Variants in FRMPD2 observed in about 807,000 individuals in gnomAD.
The protein encoded by FRMPD2 is FERM and PDZ domain-containing protein 2.
Under a neutral mutation model 140.1 loss-of-function variants are expected in FRMPD2, and 96 were observed. That is an observed-to-expected ratio of 0.69 (90% confidence interval 0.58 to 0.81). The LOEUF (loss-of-function observed/expected upper bound fraction) is 0.81, where lower values mean the gene tolerates loss of function less well. FRMPD2 is among the 40% of genes least tolerant of loss of function. The pLI is 0.00. For synonymous variants in FRMPD2, 449 were observed against 547.6 expected, an observed-to-expected ratio of 0.82 and a Z score of 2.52; for missense variants, 1,240 against 1,447.4, an observed-to-expected ratio of 0.86 and a Z score of 2.32.
chr10:48,252,120 C>T (rs796932581), intron 1 of FRMPD2, among the ~76,000 whole-genome samples: 2 of 152,140 alleles, frequency 1.3e-5, no homozygotes, highest in South Asian at 4.1e-4. Context: ...ACGTGATTCA[C>T]ATCTTTCATC....
At chr10:48,219,609 A>T (rs956817622) in intron 12 of FRMPD2, among the ~76,000 whole-genome samples, 1 of 152,162 alleles carries the variant, frequency 6.6e-6, no homozygotes, top group Admixed American at 6.5e-5. Context: ...CAGCAAAATT[A>T]CACTGCTGTC....
At chr10:48,259,015 T>C (rs1045128623) in intron 1 of FRMPD2, among the ~76,000 whole-genome samples, 1 of 152,252 alleles carries the variant, frequency 6.6e-6, no homozygotes, top group Non-Finnish European at 1.5e-5. Context: ...CTTCTTGACA[T>C]AATCTGAAAA....
rs181776950 is a variant in FRMPD2 at position 48,216,321 on chromosome 10, T to C, written c.1456-4212A>G. On this transcript the variant is annotated intron_variant, in intron 12 of 28. Transcript: ENST00000374201. Reference sequence around the variant, plus strand: ...ATAGATAGATAGATAGATAGATAGATAGATAGATGATAAATAGATGGATAT... The same window carrying C: ...ATAGATAGATAGATAGATAGATAGACAGATAGATGATAAATAGATGGATAT... Among the ~76,000 whole-genome samples, 401 of 152,210 alleles carry C rather than the reference T, an allele frequency of 2.6e-3. 5 individuals carry two copies. Among genetic ancestry groups the C allele is most frequent in the African/African-American group, 9.0e-3 (372 of 41,506 alleles).
At chr10:48,224,202 C>A (rs376054172) in intron 10 of FRMPD2, among the ~76,000 whole-genome samples, 5 of 152,234 alleles carry the variant, frequency 3.3e-5, no homozygotes, top group South Asian at 4.2e-4. Flanking sequence ...GCCCCTCCCC[C>A]ACCCCTCTGC....
Position 48,242,182 on chromosome 10 carries a change from C to A in FRMPD2, c.546G>T (p.Leu182Phe), listed in dbSNP as rs763060954. 6.2e-7 allele frequency: 1 copy of A among 1,613,260 alleles called. No homozygotes were observed. Among genetic ancestry groups the A allele is most frequent in the African/African-American group, 1.3e-5 (1 of 74,920 alleles). The part of the protein sequence containing the change: ...AGLHIRRLVG[L>F]VLGTISEVEK... ...TGACCTCAGAAATGGTACCCAGAAC[C>A]AAGCCAACCAGCCTTCTGATGTGGA... is the stretch of plus-strand genomic sequence containing the variant. Residue 182 changes from leucine (L) to phenylalanine (F), a missense_variant, in exon 5 of 29, where the codon TTG (leucine) becomes TTT (phenylalanine). Coordinates refer to ENST00000374201, the MANE Select transcript of FRMPD2 (RefSeq NM_001018071.4).
intron 1 of FRMPD2, among the ~76,000 whole-genome samples, chr10:48,263,074 A>T (rs771434050): frequency 1.3e-5 from 2 of 152,218 alleles, no homozygotes; most frequent in Non-Finnish European, 2.9e-5. Flanking sequence ...CAAATGGGTC[A>T]AAAAGGAAAT....
Position 48,192,692 on chromosome 10 carries a change from G to T in FRMPD2, c.2157C>A (p.Ile719=), listed in dbSNP as rs778648914. Residue 719 remains isoleucine, a synonymous_variant, in exon 16 of 29, where the codon ATC becomes ATA. Coordinates refer to ENST00000374201, the MANE Select transcript of FRMPD2 (RefSeq NM_001018071.4). The part of the protein sequence containing the change: ...DGSKEAGAEG[I]GRSPCTGREQ... ...AAATGTGTCACACCCACCTGCGCCC[G>T]ATGCCTTCTGCTCCAGCCTCCTTGC... is the stretch of plus-strand genomic sequence containing the variant. 9.3e-6 allele frequency: 15 copies of T among 1,613,810 alleles called. No individual in the cohort carries two copies. Among genetic ancestry groups the T allele is most frequent in the Non-Finnish European group, 1.3e-5 (15 of 1,179,942 alleles).
chr10:48,252,473 A>G (rs1254500451), intron 1 of FRMPD2, among the ~76,000 whole-genome samples: 1 of 152,176 alleles, frequency 6.6e-6, no homozygotes, highest in Non-Finnish European at 1.5e-5. Flanking sequence ...CTCTACAGCC[A>G]GAGCTCAAGC....
chr10:48,209,276 C>A (rs1011930884), intron 13 of FRMPD2, among the ~76,000 whole-genome samples: 2 of 152,110 alleles, frequency 1.3e-5, no homozygotes, highest in African/African-American at 4.8e-5. Context: ...TATTAACAAC[C>A]CACAGCTATG....
intron 1 of FRMPD2, among the ~76,000 whole-genome samples, chr10:48,259,240 C>T (rs78190556): frequency 0.014 from 2,104 of 152,274 alleles, 51 homozygotes; most frequent in African/African-American, 0.047. Flanking sequence ...TTTTCATAAA[C>T]TTCTGTGATT....
rs757541088 is a variant in FRMPD2 at position 48,232,110 on chromosome 10, C to T, written c.1168+5G>A. The T allele has an allele frequency of 5.5e-5, 88 of 1,614,002 alleles. No homozygotes were observed. Among genetic ancestry groups the T allele is most frequent in the Non-Finnish European group, 7.5e-5 (88 of 1,180,008 alleles). On this transcript the variant is annotated splice_donor_5th_base_variant and intron_variant, in intron 10 of 28. Coordinates refer to ENST00000374201, the MANE Select transcript of FRMPD2 (RefSeq NM_001018071.4). ...CCAGCTGTGAGCTGCCCAAGAGATG[C>T]TTACTTTTCATATACGCCAAGCCAA... is the stretch of plus-strand genomic sequence containing the variant.
chr10:48,263,189 C>A (rs1405789647), intron 1 of FRMPD2, among the ~76,000 whole-genome samples: 1 of 152,050 alleles, frequency 6.6e-6, no homozygotes, highest in East Asian at 1.9e-4. Flanking sequence ...AGACTTCTAA[C>A]ATTAAATGCA....
chr10:48,230,679 C>T (rs1839829671), intron 10 of FRMPD2, among the ~76,000 whole-genome samples: 1 of 152,230 alleles, frequency 6.6e-6, no homozygotes, highest in Non-Finnish European at 1.5e-5. Context: ...TTGTATTACA[C>T]CTGTTATCTG....
chr10:48,186,812 C>A (rs980570535), intron 17 of FRMPD2, among the ~76,000 whole-genome samples: 10 of 152,228 alleles, frequency 6.6e-5, no homozygotes, highest in Non-Finnish European at 8.8e-5. Context: ...CAGGAGGATG[C>A]ATGGCTGAAG....
Position 48,222,293 on chromosome 10 carries a change from C to A in FRMPD2, c.1455+20G>T, listed in dbSNP as rs371766989. 3 of 1,610,076 alleles carry A rather than the reference C, an allele frequency of 1.9e-6. No individual in the cohort carries two copies. The highest frequency in any genetic ancestry group is 2.7e-5 in the African/African-American group (2 of 74,796). Reference sequence around the variant, plus strand: ...TTTTTCCAGTGACCCCACACAAAGGCCCCTGGTGTTCACCCCTACCTCCTT... The same window carrying A: ...TTTTTCCAGTGACCCCACACAAAGGACCCTGGTGTTCACCCCTACCTCCTT... On this transcript the variant is annotated intron_variant, in intron 12 of 28. Transcript: ENST00000374201.
chr10:48,182,663 A>C (rs116811298), intron 20 of FRMPD2, among the ~76,000 whole-genome samples: 1,664 of 152,090 alleles, frequency 0.011, 29 homozygotes, highest in African/African-American at 0.037. Context: ...TGCCACAGTG[A>C]AAGGACATTT....
At chr10:48,250,030 C>A (rs979257907) in intron 2 of FRMPD2, among the ~76,000 whole-genome samples, 1 of 152,196 alleles carries the variant, frequency 6.6e-6, no homozygotes, top group Non-Finnish European at 1.5e-5. Flanking sequence ...TGTGAGGTCA[C>A]TTGGCCACCT....
chr10:48,274,629 G>C lies in FRMPD2; in HGVS notation c.-62C>G. The C allele has an allele frequency of 6.5e-7, 1 of 1,531,390 alleles. No individual in the cohort carries two copies. The highest frequency in any genetic ancestry group is 9.0e-7 in the Non-Finnish European group (1 of 1,107,424). The allele number at this position is 1,531,390 out of a possible 1,614,324, so 94.9% of individuals were successfully genotyped here. ...TGGGACAACTTTCCAACAAGGAGCA[G>C]GGGTCTCTTGCAAGTCTGTCCGCGG... is the stretch of plus-strand genomic sequence containing the variant. On this transcript the variant is annotated 5_prime_UTR_variant, in exon 1 of 29. Transcript: ENST00000374201.
chr10:48,222,150 AT>A (rs1267579562), intron 12 of FRMPD2, among the ~76,000 whole-genome samples, 162 bp downstream of exon 12: 1 of 151,546 alleles, frequency 6.6e-6, no homozygotes, highest in Non-Finnish European at 1.5e-5. Flanking sequence ...GGATGGATGG[AT>A]GGATGGATGG....
Sources: gnomAD v4.1 joint callset for allele counts (sites outside exome capture counted in the v4.1 genomes callset) on GRCh38, gnomAD v4.1.1 for gene constraint, MANE v1.5 for transcripts, NCBI Gene and HGNC (gene_info 2026-07-23, HGNC 2026-07-21) for gene names.